CDH12: variants seen among roughly 807,000 people sequenced by gnomAD.
The protein encoded by CDH12 is cadherin 12, also known as cadherin-12.
Under a neutral mutation model 74.1 loss-of-function variants are expected in CDH12, and 41 were observed. The ratio of observed to expected loss-of-function variants is 0.55; its 90% CI spans 0.43 to 0.72. The LOEUF (loss-of-function observed/expected upper bound fraction) is 0.72, where lower values mean the gene tolerates loss of function less well. Among genes scored for constraint, CDH12 ranks in the 30% least tolerant of loss-of-function variants. CDH12 has a pLI of 0.00. For missense variants in CDH12, 945 were observed against 977.2 expected, an observed-to-expected ratio of 0.97 and a Z score of 0.44; for synonymous variants, 399 against 355.0, an observed-to-expected ratio of 1.12 and a Z score of -1.39.
chr5:22,585,936 T>G (rs1740374798), intron 1 of CDH12, among the ~76,000 whole-genome samples: 1 of 152,146 alleles, frequency 6.6e-6, no homozygotes, highest in African/African-American at 2.4e-5. Flanking sequence ...GTGTGGCGAT[T>G]CCTCAGGGAT....
At chr5:22,196,292 G>T (rs187362975) in intron 4 of CDH12, among the ~76,000 whole-genome samples, 2 of 151,598 alleles carry the variant, frequency 1.3e-5, no homozygotes, top group South Asian at 4.2e-4. Context: ...ATACAGGCAC[G>T]CACTACCCCA....
chr5:21,881,950 G>C (rs754593490), intron 6 of CDH12, among the ~76,000 whole-genome samples: 10 of 152,148 alleles, frequency 6.6e-5, no homozygotes, highest in Non-Finnish European at 1.2e-4. Flanking sequence ...CTAATATCCA[G>C]GCTGTGAATG....
intron 4 of CDH12, among the ~76,000 whole-genome samples, chr5:22,129,973 G>T (rs1746093922): frequency 1.3e-5 from 2 of 152,048 alleles, no homozygotes; most frequent in Non-Finnish European, 2.9e-5. Context: ...AAAGAGAGAA[G>T]AAATTGAAGA....
intron 2 of CDH12, among the ~76,000 whole-genome samples, chr5:22,475,684 C>G (rs970669440): frequency 6.6e-6 from 1 of 151,918 alleles, no homozygotes. Flanking sequence ...TTTCATTCAG[C>G]TTTCCCCAAA....
Position 22,198,700 on chromosome 5 carries a change from A to G in CDH12, c.-187+13798T>C, listed in dbSNP as rs145051312. Among the ~76,000 whole-genome samples, 1,394 of 152,228 alleles carry G rather than the reference A, an allele frequency of 9.2e-3. 23 individuals are homozygous for G. The highest frequency in any genetic ancestry group is 0.032 in the African/African-American group (1,309 of 41,538). ...GCACAAAACTCAAGGCAGGTATTTG[A>G]ATGCATCTTACACTTTCATTGGTAA... On this transcript the variant is annotated intron_variant, in intron 4 of 14. Transcript: ENST00000382254.
At chr5:22,633,669 T>A (rs1043364867) in intron 1 of CDH12, among the ~76,000 whole-genome samples, 2 of 152,120 alleles carry the variant, frequency 1.3e-5, no homozygotes, top group Non-Finnish European at 2.9e-5. Context: ...ACAGTGATCT[T>A]CTCCTGCTCT....
intron 4 of CDH12, among the ~76,000 whole-genome samples, chr5:22,194,019 T>C (rs1750457421): frequency 6.6e-6 from 1 of 152,120 alleles, no homozygotes; most frequent in African/African-American, 2.4e-5. Flanking sequence ...ATGTTAGAAT[T>C]TGGAAATGAA....
chr5:21,780,539 A>G (rs561984660), intron 11 of CDH12, among the ~76,000 whole-genome samples: 1 of 152,238 alleles, frequency 6.6e-6, no homozygotes, highest in East Asian at 1.9e-4. Context: ...TTATGCCTAC[A>G]TCAAGGAAAC....
chr5:22,404,460 C>CT (rs200070020), intron 3 of CDH12, among the ~76,000 whole-genome samples: 3,269 of 151,926 alleles, frequency 0.022, 106 homozygotes, highest in African/African-American at 0.071. Context: ...GAAGCCTGCC[C>CT]TTTTTTTTGT....
chr5:22,775,152 A>G (rs1227615579), intron 1 of CDH12, among the ~76,000 whole-genome samples: 3 of 152,046 alleles, frequency 2.0e-5, no homozygotes, highest in African/African-American at 7.2e-5. Flanking sequence ...AAATTCAAAA[A>G]GCACAGGTTT....
chr5:22,783,657 T>C (rs921467405), intron 1 of CDH12, among the ~76,000 whole-genome samples: 8 of 152,126 alleles, frequency 5.3e-5, no homozygotes, highest in African/African-American at 1.9e-4. Context: ...TAGTTTAATA[T>C]TAGATATTTA....
chr5:22,499,688 G>C (rs964794477), intron 2 of CDH12, among the ~76,000 whole-genome samples: 7 of 152,120 alleles, frequency 4.6e-5, no homozygotes, highest in Non-Finnish European at 1.0e-4. Flanking sequence ...TCCCTAGTAT[G>C]GGGTGTAGAA....
chr5:22,117,500 T>A (rs867651332), intron 4 of CDH12, among the ~76,000 whole-genome samples: 3 of 74,924 alleles, frequency 4.0e-5, no homozygotes, highest in African/African-American at 1.9e-4. Context: ...TATATATATA[T>A]AATATATATA....
chr5:22,315,094 G>T lies in CDH12; in HGVS notation c.-333+90163C>A, dbSNP rs1479088329. On this transcript the variant is annotated intron_variant, in intron 3 of 14. Coordinates refer to ENST00000382254, the MANE Select transcript of CDH12 (RefSeq NM_004061.5). ...TCCTGCCTCAGTAGCCAGGACTACA[G>T]GCGCCTGCCACCGTGCCTGCCTGGC... Among the ~76,000 whole-genome samples, 4 of 124,998 alleles carry T rather than the reference G, an allele frequency of 3.2e-5. 1 individual carries two copies. Among genetic ancestry groups the T allele is most frequent in the African/African-American group, 1.3e-4 (4 of 31,696 alleles). 82.0% of individuals were successfully genotyped at this position (124,998 alleles called of 152,430 possible).
chr5:22,509,884 C>A (rs1415910360), intron 1 of CDH12, among the ~76,000 whole-genome samples: 1 of 151,948 alleles, frequency 6.6e-6, no homozygotes, highest in Non-Finnish European at 1.5e-5. Flanking sequence ...GTGGATGCAA[C>A]CCAGAGTAGT....
chr5:22,099,178 G>A (rs927536079), intron 4 of CDH12, among the ~76,000 whole-genome samples: 7 of 152,208 alleles, frequency 4.6e-5, no homozygotes, highest in African/African-American at 1.7e-4. Flanking sequence ...GGCCACCACT[G>A]TCATTTCTTC....
chr5:22,565,171 T>G (rs140127402), intron 1 of CDH12, among the ~76,000 whole-genome samples: 2,545 of 152,218 alleles, frequency 0.017, 67 homozygotes, highest in African/African-American at 0.051. Flanking sequence ...CTTAACCTTG[T>G]GATCCACCTG....
intron 3 of CDH12, among the ~76,000 whole-genome samples, chr5:22,277,464 G>A (rs760765374): frequency 2.0e-5 from 3 of 152,132 alleles, no homozygotes; most frequent in Non-Finnish European, 4.4e-5. Context: ...TCTGCCCAGA[G>A]ATATCTTCTC....
At chr5:22,596,289 A>T (rs1186336388) in intron 1 of CDH12, among the ~76,000 whole-genome samples, 1 of 148,656 alleles carries the variant, frequency 6.7e-6, no homozygotes, top group Non-Finnish European at 1.5e-5. Context: ...AATACAAAAA[A>T]AATTAGCTGG....
Sources: gnomAD v4.1 joint callset for allele counts (sites outside exome capture counted in the v4.1 genomes callset) on GRCh38, gnomAD v4.1.1 for gene constraint, MANE v1.5 for transcripts, NCBI Gene and HGNC (gene_info 2026-07-23, HGNC 2026-07-21) for gene names.